TRPM4: variants seen among roughly 807,000 people sequenced by gnomAD.
TRPM4 encodes the protein calcium-activated non-selective cation channel 1.
TRPM4 carries 124 observed loss-of-function variants against 135.6 expected under a neutral mutation model. The ratio of observed to expected loss-of-function variants is 0.91; its 90% CI spans 0.79 to 1.06. The LOEUF is 1.06. Ranked by LOEUF, TRPM4 falls within the 50% of genes least tolerant of loss-of-function variation. The pLI is 0.00. For missense variants in TRPM4, 1,658 were observed against 1,671.4 expected, an observed-to-expected ratio of 0.99 and a Z score of 0.14; for synonymous variants, 745 against 705.6, an observed-to-expected ratio of 1.06 and a Z score of -0.88.
rs556108099 is a variant in TRPM4, at chr19:49,204,533, G to A, written c.3131+2392G>A. On this transcript the variant is annotated intron_variant, in intron 20 of 24. Coordinates refer to ENST00000252826, the MANE Select transcript of TRPM4 (RefSeq NM_017636.4). ...GAGGATTGCTTGAGCACAAGAGTTC[G>A]AGACCAGCCTGGGCAACATAGCGAG... Among the ~76,000 whole-genome samples, 26 of 150,480 alleles carry A rather than the reference G, an allele frequency of 1.7e-4. 1 individual carries two copies. The highest frequency in any genetic ancestry group is 3.9e-4 in the African/African-American group (16 of 40,944).
In TRPM4 at chr19:49,210,068, C is replaced by A; in HGVS notation, c.3132-141C>A. On this transcript the variant is annotated intron_variant, in intron 20 of 24. Transcript: ENST00000252826. This position sits in a 1 kb window ranked among gnomAD's most constrained non-coding sequence, Gnocchi z 4.1. Reference sequence around the variant, plus strand: ...TTGGCTCTAACCTGACTTCTAATCGCATCCTGTAACCTCTGACTTTAGTGA... The same window carrying A: ...TTGGCTCTAACCTGACTTCTAATCGAATCCTGTAACCTCTGACTTTAGTGA... 1 of 968,536 alleles carries A rather than the reference C, an allele frequency of 1.0e-6. No homozygotes were observed. The highest frequency in any genetic ancestry group is 1.7e-6 in the Non-Finnish European group (1 of 605,844). The allele number at this position is 968,536 out of a possible 1,614,324, so 60.0% of individuals were successfully genotyped here.
In TRPM4 at chr19:49,171,104, G is replaced by A. The variant is rs899889782; in HGVS notation, c.797-253G>A. Among the ~76,000 whole-genome samples the A allele has an allele frequency of 4.6e-5, 7 of 152,142 alleles. No individual in the cohort carries two copies. Among genetic ancestry groups the A allele is most frequent in the African/African-American group, 1.7e-4 (7 of 41,426 alleles). ...GCGGTGGCTCATGCCTATAATCCCA[G>A]CACTTTGGGAGTCCAAGTTGGGAGG... On this transcript the variant is annotated intron_variant, in intron 6 of 24. Coordinates refer to ENST00000252826, the MANE Select transcript of TRPM4 (RefSeq NM_017636.4). This position sits in a 1 kb window ranked among gnomAD's most constrained non-coding sequence, Gnocchi z 4.7.
At position 49,157,879 on chromosome 19, in the gene TRPM4, GAGA is replaced by G; in HGVS notation, c.16_18del (p.Lys6del). 7.8e-6 allele frequency: 12 copies of G among 1,535,092 alleles called. No individual in the cohort carries two copies. The highest frequency in any genetic ancestry group is 7.0e-6 in the Non-Finnish European group (8 of 1,146,456). On this transcript the variant is annotated inframe_deletion, in exon 1 of 25. Transcript: ENST00000252826. ...CGGCCGCGGCAGCATGGTGGTGCCGGAGAAGGAGCAGGTGAGCGCCGGACCAGG... is the reference window on the plus strand; with the variant it reads ...CGGCCGCGGCAGCATGGTGGTGCCGGAGGAGCAGGTGAGCGCCGGACCAGG...
At chr19:49,209,609 C>T (rs764865765) in intron 20 of TRPM4, among the ~76,000 whole-genome samples, 2 of 152,042 alleles carry the variant, frequency 1.3e-5, no homozygotes, top group Non-Finnish European at 2.9e-5. Flanking sequence ...TCTCCATTTT[C>T]ATTTCTGATG....
At position 49,210,946 on chromosome 19, in the gene TRPM4, G is replaced by A; in HGVS notation, c.3462-69G>A. 1 of 1,596,664 alleles carries A rather than the reference G, an allele frequency of 6.3e-7. No individual in the cohort carries two copies. Among genetic ancestry groups the A allele is most frequent in the East Asian group, 2.3e-5 (1 of 44,178 alleles). ...AGGGAGGGAGAGAGGGAGGAGGCCC[G>A]GGAAGCAGGCAGAGCCCTGGGGGTG... is the stretch of plus-strand genomic sequence containing the variant. On this transcript the variant is annotated intron_variant, in intron 22 of 24. Transcript: ENST00000252826. The surrounding 1 kb of genome is among the most constrained non-coding windows in gnomAD (Gnocchi z 4.1).
chr19:49,196,497 G>T lies in TRPM4; in HGVS notation c.2268G>T (p.Pro756=). 6.4e-7 allele frequency: 1 copy of T among 1,555,536 alleles called. No homozygotes were observed. ...PLGVPRQSGR[P]GCCGGRCGGR... The stretch of plus-strand genomic sequence containing the variant: ...GGGTCCCGCGCCAGTCGGGCCGTCC[G>T]GGTTGCTGCGGGGGCCGCTGCGGGG... Residue 756 remains proline (P), a synonymous_variant, in exon 17 of 25, where the codon CCG becomes CCT. Transcript: ENST00000252826.
chr19:49,187,706 C>T (rs992591410), intron 12 of TRPM4, among the ~76,000 whole-genome samples: 1 of 152,058 alleles, frequency 6.6e-6, no homozygotes, highest in African/African-American at 2.4e-5. Flanking sequence ...GCCGGCTGTG[C>T]GGGAGACCTC....
chr19:49,171,853 TG>T lies in TRPM4; in HGVS notation c.1050+89del. The stretch of plus-strand genomic sequence containing the variant: ...CTCCTGGGTCTGAGGGAGGAGGGGC[TG>T]GGGGCCTGGACTTCCAGGTTCCGGG... On this transcript the variant is annotated intron_variant, in intron 8 of 24. Transcript: ENST00000252826. The surrounding 1 kb of genome is among the most constrained non-coding windows in gnomAD (Gnocchi z 4.7). 2.0e-6 allele frequency: 3 copies of T among 1,488,324 alleles called. No homozygotes were observed. The highest frequency in any genetic ancestry group is 2.8e-6 in the Non-Finnish European group (3 of 1,080,264). The allele number at this position is 1,488,324 out of a possible 1,614,324, so 92.2% of individuals were successfully genotyped here. A position where few individuals can be genotyped will look rare whatever the true frequency, so the allele number is the denominator to read the frequency against.
intron 2 of TRPM4, among the ~76,000 whole-genome samples, chr19:49,162,106 AG>A (rs1226059136): frequency 6.6e-6 from 1 of 152,216 alleles, no homozygotes; most frequent in Non-Finnish European, 1.5e-5. Context: ...CCAGAGGGGC[AG>A]GGGTATCCTG....
intron 2 of TRPM4, among the ~76,000 whole-genome samples, chr19:49,161,693 G>A (rs1045411206): frequency 4.0e-5 from 6 of 151,272 alleles, no homozygotes; most frequent in Non-Finnish European, 4.4e-5. Flanking sequence ...GCAGTAGTGC[G>A]ATCTCGGCTC....
intron 12 of TRPM4, among the ~76,000 whole-genome samples, chr19:49,184,152 T>C (rs1192219885): frequency 1.3e-5 from 2 of 152,140 alleles, no homozygotes; most frequent in African/African-American, 4.8e-5. Context: ...GGACATTATA[T>C]CTTCAAATAT....
At chr19:49,176,417 C>A (rs189801894) in intron 9 of TRPM4, among the ~76,000 whole-genome samples, 1 of 152,190 alleles carries the variant, frequency 6.6e-6, no homozygotes, top group East Asian at 1.9e-4. Flanking sequence ...TAGGGTCTCC[C>A]TATGTTGCCT....
At chr19:49,193,847 C>G (rs1382444637) in intron 16 of TRPM4, among the ~76,000 whole-genome samples, 1 of 151,968 alleles carries the variant, frequency 6.6e-6, no homozygotes, top group African/African-American at 2.4e-5. Context: ...CTATTCTCCT[C>G]CTTCTCCTCC....
chr19:49,158,070 G>A, intron 1 of TRPM4, 122 bp from the exon 2 acceptor site: 1 of 1,297,850 alleles, frequency 7.7e-7, no homozygotes, highest in Non-Finnish European at 1.1e-6. Flanking sequence ...GCGGGAGGGC[G>A]CTGGGGGCCC....
chr19:49,200,587 A>G (rs1302832171), intron 18 of TRPM4, 24 bp from the exon 19 acceptor site: 2 of 1,610,092 alleles, frequency 1.2e-6, no homozygotes, highest in Non-Finnish European at 1.7e-6. Context: ...GGGCGGGGCC[A>G]GACTCAGCCA....
At chr19:49,196,359 GC>G in intron 16 of TRPM4, 80 bp from the exon 17 acceptor site, 1 of 1,355,364 alleles carries the variant, frequency 7.4e-7, no homozygotes, top group Non-Finnish European at 9.8e-7. Flanking sequence ...GATGTGCCAA[GC>G]CAAAAGTCTC....
In TRPM4 at chr19:49,196,719, C is replaced by T; in HGVS notation, c.2490C>T (p.Arg830=). 6.4e-7 allele frequency: 1 copy of T among 1,553,204 alleles called. No individual in the cohort carries two copies. Among genetic ancestry groups the T allele is most frequent in the South Asian group, 1.2e-5 (1 of 85,142 alleles). ...WAFTLLCEEL[R]QGLSGGGGSL... ...TCACGCTGCTGTGCGAGGAACTGCGCCAGGGCCTGAGCGGAGGCGGGGGCA... is the reference window on the plus strand; with the variant it reads ...TCACGCTGCTGTGCGAGGAACTGCGTCAGGGCCTGAGCGGAGGCGGGGGCA... Residue 830 remains arginine (R), a synonymous_variant, in exon 17 of 25, where the codon CGC becomes CGT. Coordinates refer to ENST00000252826, the MANE Select transcript of TRPM4 (RefSeq NM_017636.4).
chr19:49,158,363 G>C, intron 2 of TRPM4, 104 bp downstream of exon 2: 2 of 1,106,976 alleles, frequency 1.8e-6, no homozygotes, highest in Non-Finnish European at 2.8e-6. Context: ...TCCTGGACTC[G>C]GGGACCTTCC....
At chr19:49,159,685 G>C (rs1034135708) in intron 2 of TRPM4, 5 of 151,864 alleles carry the variant, frequency 3.3e-5, no homozygotes, top group Non-Finnish European at 7.4e-5. Flanking sequence ...ATTTCACCCT[G>C]TTGCCCAGGT....
Sources: gnomAD v4.1 joint callset for allele counts (sites outside exome capture counted in the v4.1 genomes callset) on GRCh38, gnomAD v4.1.1 for gene constraint, Gnocchi (gnomAD v3.1) non-coding constraint, MANE v1.5 for transcripts, NCBI Gene and HGNC (gene_info 2026-07-23, HGNC 2026-07-21) for gene names.